CREBBP: variants seen among roughly 807,000 people sequenced by gnomAD.
CREBBP encodes the protein CREB-binding protein.
Under a neutral mutation model 265.0 loss-of-function variants are expected in CREBBP, and 19 were observed. The ratio of observed to expected loss-of-function variants is 0.07; its 90% CI spans 0.05 to 0.11. The LOEUF is 0.11. Ranked by LOEUF, CREBBP falls within the 10% of genes least tolerant of loss-of-function variation. The pLI, the probability that CREBBP is intolerant of heterozygous loss-of-function variation, is 1.00. For missense variants in CREBBP, 2,525 were observed against 3,219.0 expected, an observed-to-expected ratio of 0.78 and a Z score of 5.22; for synonymous variants, 1,457 against 1,223.7, an observed-to-expected ratio of 1.19 and a Z score of -3.98.
rs184318959 is a variant in CREBBP at position 3,872,667 on chromosome 16, G to T, written c.85+7165C>A. Among the ~76,000 whole-genome samples, 9 of 152,346 alleles carry T rather than the reference G, an allele frequency of 5.9e-5. No individual in the cohort carries two copies. In the East Asian group the frequency reaches 1.3e-3, roughly 23 times the overall value. Reference sequence around the variant, plus strand: ...GAGCGCATGTGCTAAAAAGCAGACGGCACGGCCAGGAGCTTCAGAGCCTAG... The same window carrying T: ...GAGCGCATGTGCTAAAAAGCAGACGTCACGGCCAGGAGCTTCAGAGCCTAG... On this transcript the variant is annotated intron_variant, in intron 1 of 30. Transcript: ENST00000262367.
chr16:3,838,223 G>A (rs2054495194), intron 2 of CREBBP, among the ~76,000 whole-genome samples: 1 of 152,112 alleles, frequency 6.6e-6, no homozygotes, highest in Non-Finnish European at 1.5e-5. Flanking sequence ...ACTTAGCATT[G>A]TGGCACCGTG....
At chr16:3,810,850 TCA>T (rs1377112242) in intron 2 of CREBBP, 71 bp from the exon 3 acceptor site, 35 of 1,473,922 alleles carry the variant, frequency 2.4e-5, no homozygotes, top group East Asian at 6.8e-5. Context: ...TGGGAAATGC[TCA>T]CACAGTTTCC....
At chr16:3,787,087 G>C (rs778671710) in intron 5 of CREBBP, among the ~76,000 whole-genome samples, 58 of 142,188 alleles carry the variant, frequency 4.1e-4, no homozygotes, top group African/African-American at 1.5e-3. Context: ...AAAAAAAAAA[G>C]AATTTATTCA....
In CREBBP at chr16:3,776,799, T is replaced by C. The variant is rs143503339; in HGVS notation, c.2158+814A>G. Reference sequence around the variant, plus strand: ...AGGCCAAGGTGGGCAGATCACAAGTTCACGCGATTGAGACCATCCTGGCTA... The same window carrying C: ...AGGCCAAGGTGGGCAGATCACAAGTCCACGCGATTGAGACCATCCTGGCTA... On this transcript the variant is annotated intron_variant, in intron 11 of 30. Coordinates refer to ENST00000262367, the MANE Select transcript of CREBBP (RefSeq NM_004380.3). 1.9e-3 allele frequency among the ~76,000 whole-genome samples: 289 copies of C among 149,600 alleles called. 1 individual carries two copies. The highest frequency in any genetic ancestry group is 6.8e-3 in the African/African-American group (276 of 40,454).
intron 1 of CREBBP, among the ~76,000 whole-genome samples, chr16:3,862,482 T>C (rs575317899): frequency 1.3e-4 from 20 of 152,332 alleles, no homozygotes; most frequent in African/African-American, 4.6e-4. Flanking sequence ...TAAACCGAAT[T>C]GTCTTAAAAC....
chr16:3,785,017 A>C (rs2053353508), intron 5 of CREBBP, among the ~76,000 whole-genome samples: 1 of 152,246 alleles, frequency 6.6e-6, no homozygotes, highest in African/African-American at 2.4e-5. Flanking sequence ...ATTAATTATG[A>C]ACAAATAAAG....
rs963703226 is a variant in CREBBP, at chr16:3,726,301, G to A, written c.*1417C>T. Reference sequence around the variant, plus strand: ...CGCCTCTGGGGGTGGCAGCTACGACGGACAGGGAGGATGGAGGAGTGGGCC... The same window carrying A: ...CGCCTCTGGGGGTGGCAGCTACGACAGACAGGGAGGATGGAGGAGTGGGCC... On this transcript the variant is annotated 3_prime_UTR_variant, in exon 31 of 31. Coordinates refer to ENST00000262367, the MANE Select transcript of CREBBP (RefSeq NM_004380.3). The A allele has an allele frequency of 5.1e-5, 12 of 233,304 alleles. No homozygotes were observed. The highest frequency in any genetic ancestry group is 3.4e-4 in the Admixed American group (6 of 17,800). 14.5% of individuals were successfully genotyped at this position (233,304 alleles called of 1,614,324 possible).
rs201631062 is a variant in CREBBP, at chr16:3,736,641, G to A, written c.4560+9C>T. ...ACAAAAGCCACCACCTTCCTTCAGC[G>A]CCGGGTACCTTGTAGTCATGGATGA... On this transcript the variant is annotated intron_variant, in intron 27 of 30. Transcript: ENST00000262367. 5.3e-5 allele frequency: 86 copies of A among 1,614,202 alleles called. No homozygotes were observed. Among genetic ancestry groups the A allele is most frequent in the Middle Eastern group, 1.7e-4 (1 of 6,060 alleles).
chr16:3,734,491 G>A (rs1005759640), intron 28 of CREBBP, among the ~76,000 whole-genome samples: 5 of 152,298 alleles, frequency 3.3e-5, no homozygotes, highest in East Asian at 1.9e-4. Flanking sequence ...ACAGGCAGGT[G>A]CCCCCTCCTG....
intron 23 of CREBBP, among the ~76,000 whole-genome samples, chr16:3,744,493 A>G (rs980752629): frequency 3.3e-5 from 5 of 152,228 alleles, no homozygotes; most frequent in Non-Finnish European, 7.3e-5. Context: ...TTCATATAAC[A>G]ATCAGGCCAA....
At chr16:3,759,160 T>G (rs1177217154) in intron 16 of CREBBP, among the ~76,000 whole-genome samples, 188 bp from the exon 17 acceptor site, 1 of 152,236 alleles carries the variant, frequency 6.6e-6, no homozygotes, top group Non-Finnish European at 1.5e-5. Flanking sequence ...AGAACTGTGT[T>G]CAGCTTGTGA....
chr16:3,765,327 C>T (rs1353821843), intron 16 of CREBBP, among the ~76,000 whole-genome samples: 1 of 152,208 alleles, frequency 6.6e-6, no homozygotes, highest in Non-Finnish European at 1.5e-5. Context: ...CCTATCTCCT[C>T]ACACAGAATA....
chr16:3,750,256 T>C (rs1017623153), intron 20 of CREBBP, among the ~76,000 whole-genome samples: 1 of 152,176 alleles, frequency 6.6e-6, no homozygotes, highest in Non-Finnish European at 1.5e-5. Context: ...CTAAAGAGAA[T>C]TAGGATGACA....
At chr16:3,778,512 T>C (rs2053197805) in intron 9 of CREBBP, among the ~76,000 whole-genome samples, 188 bp downstream of exon 9, 1 of 152,224 alleles carries the variant, frequency 6.6e-6, no homozygotes, top group South Asian at 2.1e-4. Context: ...TGCACCAATG[T>C]AGCTAATCAA....
intron 3 of CREBBP, among the ~76,000 whole-genome samples, chr16:3,794,845 C>T (rs1428203753): frequency 6.6e-6 from 1 of 152,180 alleles, no homozygotes; most frequent in East Asian, 1.9e-4. Flanking sequence ...TCCACAGTTC[C>T]GGGATTTCCA....
chr16:3,865,587 C>CT (rs747538459), intron 1 of CREBBP, among the ~76,000 whole-genome samples: 6 of 152,034 alleles, frequency 3.9e-5, no homozygotes, highest in Non-Finnish European at 8.8e-5. Flanking sequence ...GTTTTGTCCT[C>CT]TGAGTTTTCT....
rs183453554 is a variant in CREBBP at position 3,794,225 on chromosome 16, G to A, written c.976-599C>T. 1.9e-4 allele frequency among the ~76,000 whole-genome samples: 28 copies of A among 150,656 alleles called. 1 individual carries two copies. The East Asian group carries it at 4.9e-3, about 26-fold the overall frequency. On this transcript the variant is annotated intron_variant, in intron 3 of 30. Transcript: ENST00000262367. ...CGGGTGCCTGTAGTCCCACCTACTCGGGAGGCTGAGGCAGGAGAATGGTGT... is the reference window on the plus strand; with the variant it reads ...CGGGTGCCTGTAGTCCCACCTACTCAGGAGGCTGAGGCAGGAGAATGGTGT...
intron 27 of CREBBP, 97 bp from the exon 28 acceptor site, chr16:3,736,300 G>A (rs1192696669): frequency 3.1e-6 from 4 of 1,273,442 alleles, no homozygotes; most frequent in Non-Finnish European, 4.6e-6. Flanking sequence ...CCTCACCATG[G>A]TGTGGCAGAG....
rs757490341 is a variant in CREBBP at position 3,778,075 on chromosome 16, T to C, written c.2049A>G (p.Pro683=). Residue 683 remains proline, a synonymous_variant, in exon 10 of 31, where the codon CCA becomes CCG. Transcript: ENST00000262367. ...LHKQGILGNQ[P]ALPAPGAQPP... is the part of the protein sequence containing the mutation. Reference sequence around the variant, plus strand: ...GCTGAGCCCCCGGGGCTGGTAAGGCTGGCTGGTTCCCCAAGATGCCTTGTT... The same window carrying C: ...GCTGAGCCCCCGGGGCTGGTAAGGCCGGCTGGTTCCCCAAGATGCCTTGTT... The C allele has an allele frequency of 2.2e-5, 35 of 1,614,150 alleles. No individual in the cohort carries two copies. The highest frequency in any genetic ancestry group is 2.8e-5 in the Non-Finnish European group (33 of 1,180,050).
Sources: allele counts gnomAD v4.1 joint callset (sites outside exome capture counted in the v4.1 genomes callset), GRCh38; gene constraint gnomAD v4.1.1; transcripts MANE v1.5; gene names NCBI Gene and HGNC (gene_info 2026-07-23, HGNC 2026-07-21).